The following DAAM2 variants were observed in gnomAD, a reference collection of about 807,000 sequenced individuals.
DAAM2 encodes the protein dishevelled associated activator of morphogenesis 2.
DAAM2 carries 39 observed loss-of-function variants against 120.7 expected under a neutral mutation model. The observed-to-expected ratio is 0.32, with a 90% CI of 0.25 to 0.42. The LOEUF is 0.42. Among genes scored for constraint, DAAM2 ranks in the 10% least tolerant of loss-of-function variants. The pLI is 1.00. For synonymous variants in DAAM2, 488 were observed against 524.9 expected (o/e 0.93, Z 0.96); for missense variants, 1,283 against 1,401.7 (o/e 0.92, Z 1.35).
At chr6:39,838,727 C>T (rs948110275) in intron 1 of DAAM2, among the ~76,000 whole-genome samples, 2 of 151,954 alleles carry the variant, frequency 1.3e-5, no homozygotes, top group African/African-American at 2.4e-5. Context: ...GGTGTAATCT[C>T]GGCTCACTAC....
intron 1 of DAAM2, among the ~76,000 whole-genome samples, chr6:39,837,688 A>T (rs1239094870): frequency 6.8e-6 from 1 of 147,896 alleles, no homozygotes; most frequent in Non-Finnish European, 1.5e-5. Flanking sequence ...AAAAAAAAAG[A>T]AAAGAAAAAA....
In DAAM2 at chr6:39,891,426, G is replaced by A. The variant is rs1481726587; in HGVS notation, c.2231G>A (p.Arg744His). The A allele has an allele frequency of 7.5e-6, 12 of 1,608,404 alleles. No homozygotes were observed. The highest frequency in any genetic ancestry group is 2.2e-5 in the South Asian group (2 of 89,686). Residue 744 changes from arginine (R) to histidine (H), a missense_variant, in exon 18 of 25, where the codon CGC (arginine) becomes CAC (histidine). Arg to His is a conservative substitution (Grantham distance 29). Around this residue, in one of 3 missense-constraint regions of DAAM2, gnomAD observed 748 missense variants for 768.6 expected, o/e 0.97. Coordinates refer to ENST00000274867, the MANE Select transcript of DAAM2 (RefSeq NM_001201427.2). ...HEIERMARAD[R>H]FLYEMSRIDH... ...ATTGAGCGGATGGCCCGTGCTGACC[G>A]CTTCCTCTATGAAATGAGCAGGTTG... is the stretch of plus-strand genomic sequence containing the variant.
At chr6:39,871,795 G>A (rs557095601) in intron 9 of DAAM2, among the ~76,000 whole-genome samples, 5 of 152,310 alleles carry the variant, frequency 3.3e-5, no homozygotes, top group South Asian at 2.1e-4. Flanking sequence ...TTTATTAGGC[G>A]AATTGGCTCA....
At position 39,904,810 on chromosome 6, in the gene DAAM2, C is replaced by CT. The variant is rs890413652; in HGVS notation, c.*2779dup. On this transcript the variant is annotated 3_prime_UTR_variant, in exon 25 of 25. Transcript: ENST00000274867. Reference sequence around the variant, plus strand: ...CTACAGTGTCCTTTTTCACTTGCACCTTTTTTATAAGAATATATTGTAATA... The same window carrying CT: ...CTACAGTGTCCTTTTTCACTTGCACCTTTTTTTATAAGAATATATTGTAATA... The CT allele has an allele frequency of 1.1e-5, 5 of 453,916 alleles. No individual in the cohort carries two copies. The highest frequency in any genetic ancestry group is 8.0e-5 in the African/African-American group (4 of 49,968). The allele number at this position is 453,916 out of a possible 1,614,324, so 28.1% of individuals were successfully genotyped here.
chr6:39,897,030 C>T (rs2149372536), intron 20 of DAAM2, 50 bp downstream of exon 20: 1 of 1,571,084 alleles, frequency 6.4e-7, no homozygotes, highest in Non-Finnish European at 8.6e-7. Context: ...CTCACCCTAC[C>T]CTGGCCTCTC....
At chr6:39,895,979 C>T (rs922604411) in intron 19 of DAAM2, among the ~76,000 whole-genome samples, 1 of 151,946 alleles carries the variant, frequency 6.6e-6, no homozygotes, top group African/African-American at 2.4e-5. Context: ...AAAAGCATGC[C>T]ATTATTTTAT....
In DAAM2 at chr6:39,891,704, G is replaced by A; in HGVS notation, c.2323G>A (p.Ala775Thr). 1 of 1,604,462 alleles carries A rather than the reference G, an allele frequency of 6.2e-7. No homozygotes were observed. The highest frequency in any genetic ancestry group is 8.5e-7 in the Non-Finnish European group (1 of 1,175,526). ...KKKFQERLAE[A>T]KPKVEAILLA... ...GAAATTCCAGGAGCGGCTGGCTGAG[G>A]CAAAGCCCAAAGTGGAAGGTAGGGC... The change falls in exon 19 of 25, where the codon GCA (alanine) becomes ACA (threonine). Residue 775 changes from alanine (A) to threonine (T), a missense_variant. Physicochemically the swap from Ala to Thr is moderately conservative, Grantham distance 58. Transcript: ENST00000274867.
At position 39,856,471 on chromosome 6, in the gene DAAM2, G is replaced by A; in HGVS notation, c.168+1G>A. 6.9e-7 allele frequency: 1 copy of A among 1,451,946 alleles called. No individual in the cohort carries two copies. Among genetic ancestry groups the A allele is most frequent in the Non-Finnish European group, 9.1e-7 (1 of 1,096,990 alleles). The allele number at this position is 1,451,946 out of a possible 1,614,324, so 89.9% of individuals were successfully genotyped here. A position where few individuals can be genotyped will look rare whatever the true frequency, so the allele number is the denominator to read the frequency against. The stretch of plus-strand genomic sequence containing the variant: ...CAACATCCGCTTTGCAGAGCTGGTG[G>A]TCAGTGAGAGGGTGGGGAGAGACAG... On this transcript the variant is annotated splice_donor_variant, in intron 2 of 24. Coordinates refer to ENST00000274867, the MANE Select transcript of DAAM2 (RefSeq NM_001201427.2). LOFTEE classifies it high-confidence loss of function.
At chr6:39,829,618 G>A (rs962734891) in intron 1 of DAAM2, among the ~76,000 whole-genome samples, 11 of 152,172 alleles carry the variant, frequency 7.2e-5, no homozygotes, top group African/African-American at 2.7e-4. Context: ...TAACAAAAAA[G>A]CAACATGTCC....
Position 39,856,439 on chromosome 6 carries a change from A to G in DAAM2, c.137A>G (p.Glu46Gly). Residue 46 changes from glutamate (E) to glycine (G), a missense_variant, in exon 2 of 25, where the codon GAG (glutamate) becomes GGG (glycine). By Grantham distance (98) the Glu-to-Gly change is moderately conservative. Around this residue, in one of 3 missense-constraint regions of DAAM2, gnomAD observed 197 missense variants for 189.3 expected, o/e 1.04. Coordinates refer to ENST00000274867, the MANE Select transcript of DAAM2 (RefSeq NM_001201427.2). ...TTCTCCAGCCCCATCCCGAACGCAG[A>G]GGAGCTCAACATCCGCTTTGCAGAG... ...MEFSSPIPNA[E>G]ELNIRFAELV... 6.7e-7 allele frequency: 1 copy of G among 1,491,150 alleles called. No individual in the cohort carries two copies. Among genetic ancestry groups the G allele is most frequent in the Non-Finnish European group, 8.9e-7 (1 of 1,119,106 alleles). The allele number at this position is 1,491,150 out of a possible 1,614,324, so 92.4% of individuals were successfully genotyped here. A position where few individuals can be genotyped will look rare whatever the true frequency, so the allele number is the denominator to read the frequency against.
At position 39,843,540 on chromosome 6, in the gene DAAM2, G is replaced by A. The variant is rs542441686; in HGVS notation, c.-56-12707G>A. ...GCCTGCGCTGGCTGCTGGAGAAGATGGGCAGGGCCAGCTGCATGATTTGCG... is the reference window on the plus strand; with the variant it reads ...GCCTGCGCTGGCTGCTGGAGAAGATAGGCAGGGCCAGCTGCATGATTTGCG... On this transcript the variant is annotated intron_variant, in intron 1 of 24. Transcript: ENST00000274867. 2.6e-4 allele frequency among the ~76,000 whole-genome samples: 40 copies of A among 152,312 alleles called. No homozygotes were observed. In the South Asian group the frequency reaches 3.7e-3, roughly 14 times the overall value.
intron 16 of DAAM2, 78 bp from the exon 17 acceptor site, chr6:39,888,601 T>C: frequency 8.2e-7 from 1 of 1,218,626 alleles, no homozygotes; most frequent in Non-Finnish European, 1.2e-6. Context: ...TGTTAGGGAA[T>C]GAGGGAAGGC....
chr6:39,891,814 C>A, intron 19 of DAAM2, 92 bp downstream of exon 19: 1 of 950,534 alleles, frequency 1.1e-6, no homozygotes, highest in Non-Finnish European at 1.6e-6. Flanking sequence ...AGAGGGAAAC[C>A]CCTTTCTTAT....
chr6:39,891,206 C>G (rs1013505246), intron 17 of DAAM2, 135 bp from the exon 18 acceptor site: 4 of 624,672 alleles, frequency 6.4e-6, no homozygotes, highest in Non-Finnish European at 1.1e-5. Context: ...TGAAAGAAAT[C>G]TGTCCACATG....
chr6:39,827,933 C>T (rs909694843), intron 1 of DAAM2, among the ~76,000 whole-genome samples: 10 of 152,106 alleles, frequency 6.6e-5, no homozygotes, highest in African/African-American at 1.2e-4. Context: ...ACCTGGGGAA[C>T]GCCTCGCTGT....
intron 11 of DAAM2, among the ~76,000 whole-genome samples, chr6:39,875,792 G>C (rs1380787019): frequency 6.6e-6 from 1 of 152,152 alleles, no homozygotes; most frequent in African/African-American, 2.4e-5. Context: ...GCCAACACAG[G>C]TGTATTGGGC....
At chr6:39,886,602 A>C (rs1051589209) in intron 15 of DAAM2, 8 of 396,794 alleles carry the variant, frequency 2.0e-5, no homozygotes, top group African/African-American at 1.6e-4. Flanking sequence ...CCCAAAGAGA[A>C]AGAAGAAATG....
intron 1 of DAAM2, among the ~76,000 whole-genome samples, chr6:39,809,908 C>A (rs888040812): frequency 1.3e-5 from 2 of 152,216 alleles, no homozygotes; most frequent in Admixed American, 6.5e-5. Flanking sequence ...GGTGGTTCCA[C>A]AGTGCCATCA....
At chr6:39,871,321 G>T (rs1764651843) in intron 8 of DAAM2, among the ~76,000 whole-genome samples, 185 bp from the exon 9 acceptor site, 1 of 152,152 alleles carries the variant, frequency 6.6e-6, no homozygotes, top group Non-Finnish European at 1.5e-5. Flanking sequence ...GGAAGGTCAT[G>T]GGATCTTATA....
Sources: allele counts gnomAD v4.1 joint callset (sites outside exome capture counted in the v4.1 genomes callset), GRCh38; gene constraint gnomAD v4.1.1; regional missense constraint gnomAD v4.1.1; transcripts MANE v1.5; gene names NCBI Gene and HGNC (gene_info 2026-07-23, HGNC 2026-07-21).